Variants in TSPAN4 observed in about 807,000 individuals in gnomAD.
The protein encoded by TSPAN4 is tetraspanin 4.
TSPAN4 carries 38 observed loss-of-function variants against 31.5 expected under a neutral mutation model. That is an observed-to-expected ratio of 1.21 (90% CI 0.93 to 1.58). The LOEUF is 1.58. TSPAN4 is among the 40% of genes most tolerant of loss of function. The pLI is 0.00. For synonymous variants in TSPAN4, 186 were observed against 144.6 expected, an observed-to-expected ratio of 1.29 and a Z score of -2.06; for missense variants, 330 against 317.3, an observed-to-expected ratio of 1.04 and a Z score of -0.30.
intron 2 of TSPAN4, chr11:850,086 A>C (rs1352138950): frequency 2.3e-6 from 1 of 427,168 alleles, no homozygotes; most frequent in Non-Finnish European, 4.2e-6. Flanking sequence ...TCCGGAGGGC[A>C]AGGAGCCGGA....
intron 3 of TSPAN4, among the ~76,000 whole-genome samples, chr11:850,610 C>CTCT (rs1565132089): frequency 6.6e-6 from 1 of 152,030 alleles, no homozygotes; most frequent in Admixed American, 6.5e-5. Flanking sequence ...CGCCCTGGTC[C>CTCT]CCTCTCCTCT....
At chr11:860,259 C>T (rs1234966795) in intron 3 of TSPAN4, among the ~76,000 whole-genome samples, 1 of 152,166 alleles carries the variant, frequency 6.6e-6, no homozygotes. Flanking sequence ...GGATTTTACC[C>T]TGTGGAGCCC....
rs979002331 is a variant in TSPAN4, at chr11:867,038, C to T, written c.*408C>T. On this transcript the variant is annotated 3_prime_UTR_variant, in exon 9 of 9. Coordinates refer to ENST00000397397, the MANE Select transcript of TSPAN4 (RefSeq NM_003271.5). ...CTGGTCCTGGTGCTCCAGGCGGGGCCGTGGACCCCTCACCTACATTCCATA... is the reference window on the plus strand; with the variant it reads ...CTGGTCCTGGTGCTCCAGGCGGGGCTGTGGACCCCTCACCTACATTCCATA... 4.0e-5 allele frequency: 7 copies of T among 175,490 alleles called. No homozygotes were observed. Among genetic ancestry groups the T allele is most frequent in the East Asian group, 1.6e-4 (1 of 6,308 alleles). The allele number at this position is 175,490 out of a possible 1,614,324, so 10.9% of individuals were successfully genotyped here.
At chr11:861,022 C>T (rs1429800209) in intron 3 of TSPAN4, among the ~76,000 whole-genome samples, 3 of 152,202 alleles carry the variant, frequency 2.0e-5, no homozygotes, top group Admixed American at 6.5e-5. Flanking sequence ...ACATATCTCC[C>T]GTCTCATCCT....
chr11:853,364 C>A (rs1012087731), intron 3 of TSPAN4, among the ~76,000 whole-genome samples: 3 of 152,204 alleles, frequency 2.0e-5, no homozygotes, highest in Non-Finnish European at 2.9e-5. Context: ...TGGGTCCAGG[C>A]CTGAGCCCCC....
rs577924494 is a variant in TSPAN4, at chr11:864,509, A to G, written c.328A>G (p.Lys110Glu). The G allele has an allele frequency of 1.2e-6, 2 of 1,612,346 alleles. No individual in the cohort carries two copies. Among genetic ancestry groups the G allele is most frequent in the African/African-American group, 1.3e-5 (1 of 75,036 alleles). The change falls in exon 5 of 9, where the codon AAG becomes GAG. Residue 110 changes from lysine to glutamate, a missense_variant and splice_region_variant. Coordinates refer to ENST00000397397, the MANE Select transcript of TSPAN4 (RefSeq NM_003271.5). ...IAILFFAYTD[K>E]IDRYAQQDLK... ...CATCCTCTTCTTCGCCTACACGGACAAGGTACGGCTGCCTTGGCCGCAGGC... is the reference window on the plus strand; with the variant it reads ...CATCCTCTTCTTCGCCTACACGGACGAGGTACGGCTGCCTTGGCCGCAGGC...
At chr11:861,282 C>T (rs559902041) in intron 3 of TSPAN4, among the ~76,000 whole-genome samples, 2 of 152,350 alleles carry the variant, frequency 1.3e-5, no homozygotes, top group East Asian at 3.9e-4. Context: ...CTGTGGGACC[C>T]GCCTGCTTTG....
Position 843,102 on chromosome 11 carries a change from C to T in TSPAN4, c.-118+187C>T, listed in dbSNP as rs564192243. 9.9e-5 allele frequency: 15 copies of T among 152,062 alleles called. No homozygotes were observed. The East Asian group carries it at 2.9e-3, about 30-fold the overall frequency. The allele number at this position is 152,062 out of a possible 1,614,324, so 9.4% of individuals were successfully genotyped here. A position where few individuals can be genotyped will look rare whatever the true frequency, so the allele number is the denominator to read the frequency against. Reference sequence around the variant, plus strand: ...GCGGGCGGGGGCCGGGGCGGGTCTTCCTGCCGCCCCTCCTGGCCGCGCCGA... The same window carrying T: ...GCGGGCGGGGGCCGGGGCGGGTCTTTCTGCCGCCCCTCCTGGCCGCGCCGA... On this transcript the variant is annotated intron_variant, in intron 1 of 8. Transcript: ENST00000397397.
intron 1 of TSPAN4, among the ~76,000 whole-genome samples, chr11:846,744 AG>A (rs55839911): frequency 0.67 from 101,516 of 152,008 alleles, 35,418 homozygotes; most frequent in Admixed American, 0.78. Context: ...AGGGTGGGGT[AG>A]GGGTGCTTGT....
At chr11:854,941 A>G (rs1326446306) in intron 3 of TSPAN4, among the ~76,000 whole-genome samples, 2 of 152,164 alleles carry the variant, frequency 1.3e-5, no homozygotes, top group Admixed American at 6.5e-5. Flanking sequence ...TTCGGAAACA[A>G]TCCGTTTCTG....
chr11:849,634 G>T (rs1315514801), intron 2 of TSPAN4, among the ~76,000 whole-genome samples: 1 of 151,984 alleles, frequency 6.6e-6, no homozygotes, highest in Admixed American at 6.5e-5. Flanking sequence ...GCGAAGGTGG[G>T]GGGGCTGGGG....
In TSPAN4 at chr11:848,294, A is replaced by G. The variant is rs957838155; in HGVS notation, c.-18+994A>G. 3.9e-5 allele frequency among the ~76,000 whole-genome samples: 6 copies of G among 152,118 alleles called. No individual in the cohort carries two copies. The highest frequency in any genetic ancestry group is 1.2e-4 in the African/African-American group (5 of 41,438). On this transcript the variant is annotated intron_variant, in intron 2 of 8. Transcript: ENST00000397397. The surrounding 1 kb of genome is among the most constrained non-coding windows in gnomAD (Gnocchi z 5.7). The stretch of plus-strand genomic sequence containing the variant: ...TTCCTGGGGCCCAGACCCACCAAAG[A>G]ACCCCCAGGGGAAGGACAGGGTAGG...
chr11:850,996 C>T (rs1394740654), intron 3 of TSPAN4, among the ~76,000 whole-genome samples: 1 of 152,258 alleles, frequency 6.6e-6, no homozygotes, highest in East Asian at 1.9e-4. Context: ...GCAGAGGCTT[C>T]CCTAACTTTT....
intron 3 of TSPAN4, among the ~76,000 whole-genome samples, chr11:852,790 GCCTCCT>G (rs961009313): frequency 2.6e-5 from 4 of 151,094 alleles, no homozygotes; most frequent in South Asian, 2.1e-4. Flanking sequence ...ATACAACCTG[GCCTCCT>G]CCTCCTCCTC....
At chr11:861,900 G>A (rs776554934) in intron 3 of TSPAN4, among the ~76,000 whole-genome samples, 3 of 152,216 alleles carry the variant, frequency 2.0e-5, no homozygotes, top group East Asian at 1.9e-4. Context: ...TCCAGCCTGA[G>A]CAACAGGGTG....
chr11:861,745 C>T (rs1848471198), intron 3 of TSPAN4, among the ~76,000 whole-genome samples: 2 of 150,966 alleles, frequency 1.3e-5, no homozygotes, highest in African/African-American at 4.9e-5. Context: ...TGTGGCTAAA[C>T]CATCTCTACT....
Position 865,908 on chromosome 11 carries a change from C to G in TSPAN4, c.565-10C>G. 23 of 1,613,140 alleles carry G rather than the reference C, an allele frequency of 1.4e-5. No homozygotes were observed. Among genetic ancestry groups the G allele is most frequent in the Non-Finnish European group, 1.9e-5 (23 of 1,179,970 alleles). On this transcript the variant is annotated splice_polypyrimidine_tract_variant and intron_variant, in intron 7 of 8. Transcript: ENST00000397397. Reference sequence around the variant, plus strand: ...CCCTGCCGTGACACGCATGACATCCCTCCCTGCAGCCGTGCTACGAGACGG... The same window carrying G: ...CCCTGCCGTGACACGCATGACATCCGTCCCTGCAGCCGTGCTACGAGACGG...
intron 3 of TSPAN4, chr11:858,248 ACAGT>A (rs1482856817): frequency 2.6e-5 from 4 of 152,800 alleles, no homozygotes; most frequent in Admixed American, 6.5e-5. Context: ...CGCCGCGTTC[ACAGT>A]CAGCACCCTG....
At chr11:852,311 A>G (rs575918441) in intron 3 of TSPAN4, among the ~76,000 whole-genome samples, 2 of 152,238 alleles carry the variant, frequency 1.3e-5, no homozygotes, top group South Asian at 2.1e-4. Flanking sequence ...TTTAGTAGAG[A>G]CAGGGTTTCA....
Sources: gnomAD v4.1 joint callset for allele counts (sites outside exome capture counted in the v4.1 genomes callset) on GRCh38, gnomAD v4.1.1 for gene constraint, Gnocchi (gnomAD v3.1) non-coding constraint, MANE v1.5 for transcripts, NCBI Gene and HGNC (gene_info 2026-07-23, HGNC 2026-07-21) for gene names.